SLC35F2: variants seen among roughly 807,000 people sequenced by gnomAD.
SLC35F2 encodes the protein solute carrier family 35 member F2, also known as queuine/queuosine transporter SLC35F2.
SLC35F2 carries 25 observed loss-of-function variants against 38.1 expected under a neutral mutation model. The ratio of observed to expected loss-of-function variants is 0.66; its 90% CI spans 0.48 to 0.92. SLC35F2 has a LOEUF of 0.92. Among genes scored for constraint, SLC35F2 ranks in the 40% least tolerant of loss-of-function variants. SLC35F2 has a pLI of 0.00. For missense variants in SLC35F2, 409 were observed against 452.9 expected (o/e 0.90, Z 0.88); for synonymous variants, 173 against 181.7 (o/e 0.95, Z 0.38).
intron 7 of SLC35F2, among the ~76,000 whole-genome samples, chr11:107,801,825 G>C (rs1859315011): frequency 6.6e-6 from 1 of 152,148 alleles, no homozygotes; most frequent in African/African-American, 2.4e-5. Flanking sequence ...AAGAAGCCTG[G>C]ACTGATAGAA....
chr11:107,827,113 G>A (rs1476171843), intron 1 of SLC35F2, among the ~76,000 whole-genome samples: 1 of 152,058 alleles, frequency 6.6e-6, no homozygotes. Context: ...AGATTGAAGA[G>A]GTTGAGTTAA....
intron 1 of SLC35F2, chr11:107,823,844 A>G: frequency 4.0e-6 from 1 of 247,892 alleles, no homozygotes; most frequent in South Asian, 1.5e-4. Flanking sequence ...CAAGAGAATC[A>G]CTTGAACCCA....
In SLC35F2 at chr11:107,858,783, T is replaced by G; in HGVS notation, c.-16A>C. ...CTGCCTCCATCGGCGCCCTTGCGCGTCTCCGGCGCCCAAAACCCCCGAAGT... is the reference window on the plus strand; with the variant it reads ...CTGCCTCCATCGGCGCCCTTGCGCGGCTCCGGCGCCCAAAACCCCCGAAGT... On this transcript the variant is annotated 5_prime_UTR_variant, in exon 1 of 8. Coordinates refer to ENST00000525815, the MANE Select transcript of SLC35F2 (RefSeq NM_017515.5). 1 of 1,252,220 alleles carries G rather than the reference T, an allele frequency of 8.0e-7. No individual in the cohort carries two copies. The highest frequency in any genetic ancestry group is 1.0e-6 in the Non-Finnish European group (1 of 990,512). The allele number at this position is 1,252,220 out of a possible 1,614,324, so 77.6% of individuals were successfully genotyped here.
Position 107,806,789 on chromosome 11 carries a change from C to A in SLC35F2, c.502G>T (p.Val168Leu). ...ARYRVIHFIAVAVCLLGVGTM... is the reference protein window; with the variant it reads ...ARYRVIHFIALAVCLLGVGTM... ...CCTACACCCAACAGACAGACAGCCA[C>A]GGCGATGAAGTGGATCACTCTGTAT... Residue 168 changes from valine (V) to leucine (L), a missense_variant, in exon 4 of 8, where the codon GTG becomes TTG. By Grantham distance (32) the Val-to-Leu change is conservative. Transcript: ENST00000525815. 6.2e-7 allele frequency: 1 copy of A among 1,613,990 alleles called. No homozygotes were observed. The highest frequency in any genetic ancestry group is 8.5e-7 in the Non-Finnish European group (1 of 1,179,912).
chr11:107,858,667 A>C lies in SLC35F2; in HGVS notation c.101T>G (p.Leu34Arg). ...SSLLRRIKGK[L>R]FTWNILKTIA... is the part of the protein sequence containing the mutation. ...CGCCCCTTCCACTCACCAGGTGAAG[A>C]GTTTGCCTTTTATCCTGCGCAGCAG... The change falls in exon 1 of 8, where the codon CTC becomes CGC. Residue 34 changes from leucine (L) to arginine (R), a missense_variant. Transcript: ENST00000525815. 2 of 1,300,324 alleles carry C rather than the reference A, an allele frequency of 1.5e-6. No homozygotes were observed. Among genetic ancestry groups the C allele is most frequent in the Non-Finnish European group, 2.0e-6 (2 of 1,016,316 alleles). The allele number at this position is 1,300,324 out of a possible 1,614,324, so 80.5% of individuals were successfully genotyped here.
At chr11:107,850,946 G>A (rs77161022) in intron 1 of SLC35F2, among the ~76,000 whole-genome samples, 3 of 152,150 alleles carry the variant, frequency 2.0e-5, no homozygotes, top group Non-Finnish European at 2.9e-5. Flanking sequence ...TTGGGAATTC[G>A]CGACTAGCCT....
chr11:107,815,916 A>T lies in SLC35F2; in HGVS notation c.160T>A (p.Cys54Ser). 6.2e-7 allele frequency: 1 copy of T among 1,614,008 alleles called. No individual in the cohort carries two copies. The highest frequency in any genetic ancestry group is 1.1e-5 in the South Asian group (1 of 91,060). The change falls in exon 2 of 8, where the codon TGT becomes AGT. Residue 54 changes from cysteine (C) to serine (S), a missense_variant. Physicochemically the swap from Cys to Ser is moderately radical, Grantham distance 112. Transcript: ENST00000525815. The stretch of plus-strand genomic sequence containing the variant: ...TACTGGCTGGTGATGGCTGTCCCAC[A>T]TATACACAAGGACAACATCTGACCC... ...ALGQMLSLCI[C>S]GTAITSQYLA...
intron 1 of SLC35F2, among the ~76,000 whole-genome samples, chr11:107,832,937 T>C (rs1417953005): frequency 6.6e-6 from 1 of 152,228 alleles, no homozygotes; most frequent in Non-Finnish European, 1.5e-5. Context: ...CAGCTCACAT[T>C]CCATCTTTTG....
rs746085040 is a variant in SLC35F2, at chr11:107,804,722, T to A, written c.780A>T (p.Lys260Asn). 3 of 1,603,988 alleles carry A rather than the reference T, an allele frequency of 1.9e-6. No individual in the cohort carries two copies. The highest frequency in any genetic ancestry group is 2.2e-5 in the East Asian group (1 of 44,638). The change falls in exon 6 of 8, where the codon AAA (lysine) becomes AAT (asparagine). Residue 260 changes from lysine (K) to asparagine (N), a missense_variant. Coordinates refer to ENST00000525815, the MANE Select transcript of SLC35F2 (RefSeq NM_017515.5). ...KDIASIHWDW[K>N]IALLFVAFAL... ...AGGAATTATTTCTTTACATACCAAT[T>A]TTCCAGTCCCAATGAATGCTGGCAA...
chr11:107,809,329 CA>C (rs61511493), intron 3 of SLC35F2, among the ~76,000 whole-genome samples: 37,681 of 95,256 alleles, frequency 0.4, 6,091 homozygotes, highest in Non-Finnish European at 0.46. Context: ...ACTCAAAATA[CA>C]AAAAAAAAAA....
intron 1 of SLC35F2, among the ~76,000 whole-genome samples, chr11:107,828,189 C>A (rs560886972): frequency 1.3e-4 from 20 of 152,296 alleles, no homozygotes; most frequent in African/African-American, 4.8e-4. Flanking sequence ...GTAATCCCAG[C>A]ACTCTGGGAG....
chr11:107,805,516 C>T lies in SLC35F2; in HGVS notation c.575-1G>A. ...ATGTCACCAATCAATACATCACTCC[C>T]TGCAGGAAGACAAGCCACAGAAAGC... On this transcript the variant is annotated splice_acceptor_variant, in intron 4 of 7. Transcript: ENST00000525815. LOFTEE classifies it high-confidence loss of function. 1 of 1,610,646 alleles carries T rather than the reference C, an allele frequency of 6.2e-7. No individual in the cohort carries two copies. Among genetic ancestry groups the T allele is most frequent in the Non-Finnish European group, 8.5e-7 (1 of 1,178,958 alleles).
chr11:107,858,642 C>T lies in SLC35F2; in HGVS notation c.110+16G>A. The T allele has an allele frequency of 7.8e-7, 1 of 1,280,950 alleles. No homozygotes were observed. Among genetic ancestry groups the T allele is most frequent in the African/African-American group, 1.5e-5 (1 of 65,954 alleles). 79.3% of individuals were successfully genotyped at this position (1,280,950 alleles called of 1,614,324 possible). ...CCCACGCCCCAGCGGAGCTGCAGCA[C>T]GCCCCTTCCACTCACCAGGTGAAGA... is the stretch of plus-strand genomic sequence containing the variant. On this transcript the variant is annotated intron_variant, in intron 1 of 7. Coordinates refer to ENST00000525815, the MANE Select transcript of SLC35F2 (RefSeq NM_017515.5).
chr11:107,812,190 G>A (rs1859493615), intron 2 of SLC35F2, among the ~76,000 whole-genome samples: 1 of 152,182 alleles, frequency 6.6e-6, no homozygotes, highest in South Asian at 2.1e-4. Flanking sequence ...TCAGGCGTGA[G>A]CTACCACGCC....
intron 1 of SLC35F2, among the ~76,000 whole-genome samples, chr11:107,850,387 T>C (rs1460656450): frequency 6.6e-6 from 1 of 152,176 alleles, no homozygotes; most frequent in Non-Finnish European, 1.5e-5. Flanking sequence ...CAATTAGGGA[T>C]GATTTTTGTC....
chr11:107,815,830 C>A lies in SLC35F2; in HGVS notation c.246G>T (p.Leu82Phe). 1 of 1,613,418 alleles carries A rather than the reference C, an allele frequency of 6.2e-7. No homozygotes were observed. Among genetic ancestry groups the A allele is most frequent in the Non-Finnish European group, 8.5e-7 (1 of 1,179,836 alleles). The change falls in exon 2 of 8, where the codon TTG (leucine) becomes TTT (phenylalanine). Residue 82 changes from leucine (L) to phenylalanine (F), a missense_variant. By Grantham distance (22) the Leu-to-Phe change is conservative. Transcript: ENST00000525815. ...PMLQSFINYC[L>F]LFLIYTVMLA... ...GCATCACTGTATAAATTAGGAACAGCAAGCAATAATTGATAAAGCTCTGAA... is the reference window on the plus strand; with the variant it reads ...GCATCACTGTATAAATTAGGAACAGAAAGCAATAATTGATAAAGCTCTGAA...
chr11:107,832,124 A>G (rs1260717320), intron 1 of SLC35F2, among the ~76,000 whole-genome samples: 1 of 152,116 alleles, frequency 6.6e-6, no homozygotes, highest in Non-Finnish European at 1.5e-5. Context: ...ATTTTGCAGT[A>G]TTCTATAACA....
At chr11:107,801,507 A>T (rs1475966672) in intron 7 of SLC35F2, among the ~76,000 whole-genome samples, 1 of 152,108 alleles carries the variant, frequency 6.6e-6, no homozygotes, top group East Asian at 1.9e-4. Context: ...AGTATTTTTT[A>T]ATTTCTCAGT....
In SLC35F2 at chr11:107,791,109, A is replaced by G. The variant is rs555099265; in HGVS notation, c.*1506T>C. ...TGAAAGTGGCATTTTGTTGGTTGTT[A>G]TTATACTGATGACACATATTAACAC... is the stretch of plus-strand genomic sequence containing the variant. On this transcript the variant is annotated 3_prime_UTR_variant, in exon 8 of 8. Transcript: ENST00000525815. 1.3e-5 allele frequency: 2 copies of G among 152,706 alleles called. No homozygotes were observed. The highest frequency in any genetic ancestry group is 1.3e-4 in the Admixed American group (2 of 15,284). 9.5% of individuals were successfully genotyped at this position (152,706 alleles called of 1,614,324 possible). A position where few individuals can be genotyped will look rare whatever the true frequency, so the allele number is the denominator to read the frequency against.
Sources: allele counts gnomAD v4.1 joint callset (sites outside exome capture counted in the v4.1 genomes callset), GRCh38; gene constraint gnomAD v4.1.1; transcripts MANE v1.5; gene names NCBI Gene and HGNC (gene_info 2026-07-23, HGNC 2026-07-21).